GPAM: variants seen among roughly 807,000 people sequenced by gnomAD.
GPAM encodes the protein glycerol-3-phosphate acyltransferase, mitochondrial, also known as glycerol-3-phosphate acyltransferase 1, mitochondrial.
A neutral mutation model predicts 105.0 loss-of-function variants in GPAM; 56 were observed. That is an observed-to-expected ratio of 0.53 (90% CI 0.43 to 0.67). GPAM has a LOEUF of 0.67. Among genes scored for constraint, GPAM ranks in the 30% least tolerant of loss-of-function variants. GPAM has a pLI of 0.00. For missense variants in GPAM, 855 were observed against 989.8 expected (o/e 0.86, Z 1.83); for synonymous variants, 368 against 354.4 (o/e 1.04, Z -0.43).
intron 1 of GPAM, among the ~76,000 whole-genome samples, chr10:112,213,637 T>C (rs927578788): frequency 3.9e-5 from 6 of 152,022 alleles, no homozygotes; most frequent in African/African-American, 7.2e-5. Context: ...CCTAACCTCA[T>C]AGCAGAAGAA....
Position 112,168,405 on chromosome 10 carries a change from A to C in GPAM, c.1014T>G (p.Thr338=). 6.3e-7 allele frequency: 1 copy of C among 1,597,314 alleles called. No individual in the cohort carries two copies. Among genetic ancestry groups the C allele is most frequent in the Middle Eastern group, 1.7e-4 (1 of 6,024 alleles). The change falls in exon 11 of 22, where the codon ACT becomes ACG. Residue 338 remains threonine, a synonymous_variant. Transcript: ENST00000348367. ...RAGLLSVVVD[T]LSTNVIPDIL... is the part of the protein sequence containing the mutation. ...TGTCTGGGATGACATTGGTAGACAG[A>C]GTATCTACCACAACTGACAAAAGTC... is the stretch of plus-strand genomic sequence containing the variant.
the GPAM span, among the ~76,000 whole-genome samples, chr10:112,221,037 A>G: frequency 6.6e-5 from 10 of 152,200 alleles, no homozygotes; most frequent in African/African-American, 1.7e-4. Flanking sequence ...GGCATCTACT[A>G]TCTCCAGCCC....
chr10:112,175,843 C>T (rs1589593884), intron 5 of GPAM, 130 bp from the exon 6 acceptor site: 2 of 668,120 alleles, frequency 3.0e-6, no homozygotes, highest in East Asian at 2.8e-5. Context: ...GGTTCTCCTA[C>T]AGCAAATTCT....
intron 1 of GPAM, among the ~76,000 whole-genome samples, chr10:112,198,238 C>A (rs1847748759): frequency 6.6e-6 from 1 of 152,136 alleles, no homozygotes; most frequent in Non-Finnish European, 1.5e-5. Flanking sequence ...TCTGAAGGTT[C>A]CATTGGATCC....
intron 1 of GPAM, among the ~76,000 whole-genome samples, chr10:112,192,006 G>A (rs551327766): frequency 2.4e-4 from 37 of 152,288 alleles, no homozygotes; most frequent in South Asian, 8.3e-4. Context: ...TGAGTACCAC[G>A]CAGAGCCCAG....
rs139275962 is a variant in GPAM, at chr10:112,180,832, A to T, written c.103-237T>A. Among the ~76,000 whole-genome samples the T allele has an allele frequency of 1.7e-3, 252 of 152,330 alleles. 3 individuals carry two copies. The highest frequency in any genetic ancestry group is 5.7e-3 in the African/African-American group (238 of 41,574). ...CTGAAGGCAGTATTCAAAAATTTAA[A>T]AACTAAATTGTAGAAGGTCAAACAG... On this transcript the variant is annotated intron_variant, in intron 3 of 21. Coordinates refer to ENST00000348367, the MANE Select transcript of GPAM (RefSeq NM_001244949.2).
chr10:112,224,617 T>C, the GPAM span, among the ~76,000 whole-genome samples: 5 of 152,122 alleles, frequency 3.3e-5, no homozygotes, highest in Non-Finnish European at 7.4e-5. Flanking sequence ...CTTGAAGCTG[T>C]TTGTTTTTGT....
At chr10:112,161,293 T>C (rs1482137459) in intron 15 of GPAM, among the ~76,000 whole-genome samples, 1 of 152,206 alleles carries the variant, frequency 6.6e-6, no homozygotes, top group African/African-American at 2.4e-5. Context: ...TCTTCCATCA[T>C]AAAGCTCAGA....
Position 112,173,004 on chromosome 10 carries a change from T to C in GPAM, c.623A>G (p.Lys208Arg). 1.2e-6 allele frequency: 2 copies of C among 1,607,678 alleles called. No individual in the cohort carries two copies. Among genetic ancestry groups the C allele is most frequent in the Non-Finnish European group, 1.7e-6 (2 of 1,174,226 alleles). Residue 208 changes from lysine to arginine, a missense_variant, in exon 8 of 22, where the codon AAA becomes AGA. Lys to Arg is a conservative substitution (Grantham distance 26). Transcript: ENST00000348367. ...AGCTTTAACCATCTCAAGTTGACCT[T>C]TGTGAATTTGAATGTTCCAAAAGAA... Reference protein sequence around the residue: ...NSFFWNIQIHKGQLEMVKAAT... With the variant: ...NSFFWNIQIHRGQLEMVKAAT...
Position 112,153,544 on chromosome 10 carries a change from C to T in GPAM, c.*6G>A, listed in dbSNP as rs755264433. On this transcript the variant is annotated 3_prime_UTR_variant, in exon 22 of 22. Transcript: ENST00000348367. Reference sequence around the variant, plus strand: ...ACCTTCATTTGCCAGCAGTGCCACACGTTACCTACAGCACCACAAAACTCA... The same window carrying T: ...ACCTTCATTTGCCAGCAGTGCCACATGTTACCTACAGCACCACAAAACTCA... 5 of 1,613,750 alleles carry T rather than the reference C, an allele frequency of 3.1e-6. No homozygotes were observed. Among genetic ancestry groups the T allele is most frequent in the South Asian group, 1.1e-5 (1 of 91,078 alleles).
rs772265684 is a variant in GPAM at position 112,157,384 on chromosome 10, A to C, written c.1986T>G (p.Asp662Glu). ...QYGILTVAEH[D>E]DQEDISPSLA... is the part of the protein sequence containing the mutation. ...GACTAGGACTGATATCTTCCTGGTC[A>C]TCGTGCTAGGCCAAGGAGATGATGG... Residue 662 changes from aspartate (D) to glutamate (E), a missense_variant, in exon 19 of 22, where the codon GAT becomes GAG. By Grantham distance (45) the Asp-to-Glu change is conservative (BLOSUM62 2). Transcript: ENST00000348367. 4 of 1,613,738 alleles carry C rather than the reference A, an allele frequency of 2.5e-6. No individual in the cohort carries two copies. In the Admixed American group the frequency reaches 6.7e-5, roughly 27 times the overall value.
intron 5 of GPAM, 79 bp from the exon 6 acceptor site, chr10:112,175,792 C>T: frequency 1.1e-6 from 1 of 875,696 alleles, no homozygotes; most frequent in Non-Finnish European, 1.9e-6. Flanking sequence ...ATTTTCCGCC[C>T]ATAAAAACAA....
intron 1 of GPAM, among the ~76,000 whole-genome samples, chr10:112,189,735 G>A (rs991844350): frequency 1.3e-5 from 2 of 152,206 alleles, no homozygotes; most frequent in Non-Finnish European, 2.9e-5. Flanking sequence ...TAGTAAAAGA[G>A]GACACAGCTG....
At chr10:112,165,127 C>G (rs532011131) in intron 12 of GPAM, among the ~76,000 whole-genome samples, 1 of 152,322 alleles carries the variant, frequency 6.6e-6, no homozygotes, top group African/African-American at 2.4e-5. Context: ...GCATCTACCA[C>G]AGCAGCTGGA....
At chr10:112,175,998 G>A (rs1847397293) in intron 5 of GPAM, among the ~76,000 whole-genome samples, 1 of 152,034 alleles carries the variant, frequency 6.6e-6, no homozygotes, top group African/African-American at 2.4e-5. Flanking sequence ...AAGAACATCT[G>A]GCTTTATTAA....
intron 7 of GPAM, among the ~76,000 whole-genome samples, chr10:112,173,269 C>A (rs1185648811): frequency 6.6e-6 from 1 of 151,992 alleles, no homozygotes; most frequent in Non-Finnish European, 1.5e-5. Flanking sequence ...ATATATACTA[C>A]TTACAGAAGT....
chr10:112,224,135 A>C, the GPAM span, among the ~76,000 whole-genome samples: 2 of 152,228 alleles, frequency 1.3e-5, no homozygotes, highest in African/African-American at 4.8e-5. Flanking sequence ...CCAACTGAGA[A>C]AACTGAGACC....
chr10:112,177,380 C>T (rs1220479640), intron 5 of GPAM, among the ~76,000 whole-genome samples: 1 of 152,192 alleles, frequency 6.6e-6, no homozygotes, highest in Non-Finnish European at 1.5e-5. Context: ...CATTTGGCTA[C>T]TGATTCTCTT....
At position 112,153,114 on chromosome 10, in the gene GPAM, G is replaced by A. The variant is rs1285106248; in HGVS notation, c.*436C>T. The A allele has an allele frequency of 2.5e-5, 25 of 1,006,998 alleles. No individual in the cohort carries two copies. The highest frequency in any genetic ancestry group is 3.5e-5 in the African/African-American group (2 of 57,656). 62.4% of individuals were successfully genotyped at this position (1,006,998 alleles called of 1,614,324 possible). On this transcript the variant is annotated 3_prime_UTR_variant, in exon 22 of 22. Coordinates refer to ENST00000348367, the MANE Select transcript of GPAM (RefSeq NM_001244949.2). ...ATGGATGACTCAATTATTTTTAAAG[G>A]AAGCATTAACCACTAACCAGATAAT...
Sources: gnomAD v4.1 joint callset for allele counts (sites outside exome capture counted in the v4.1 genomes callset) on GRCh38, gnomAD v4.1.1 for gene constraint, MANE v1.5 for transcripts, NCBI Gene and HGNC (gene_info 2026-07-23, HGNC 2026-07-21) for gene names.